TBKBP1: variants seen among roughly 807,000 people sequenced by gnomAD.
TBKBP1 encodes TANK-binding kinase 1-binding protein 1.
In TBKBP1, 47 loss-of-function variants were observed where a neutral mutation model predicts 69.9. That is an observed-to-expected ratio of 0.67 (90% confidence interval 0.53 to 0.86). The LOEUF is 0.86. Among genes scored for constraint, TBKBP1 ranks in the 40% least tolerant of loss-of-function variants. The pLI is 0.00. For missense variants in TBKBP1, 831 were observed against 858.6 expected, an observed-to-expected ratio of 0.97 and a Z score of 0.40; for synonymous variants, 418 against 390.3, an observed-to-expected ratio of 1.07 and a Z score of -0.84.
rs546645170 is a variant in TBKBP1, at chr17:47,709,915, G to T, written c.1719+463G>T. Among the ~76,000 whole-genome samples the T allele has an allele frequency of 5.9e-5, 9 of 152,346 alleles. No individual in the cohort carries two copies. In the South Asian group the frequency reaches 1.9e-3, roughly 32 times the overall value. On this transcript the variant is annotated intron_variant, in intron 9 of 9. Transcript: ENST00000578982. ...GGCTCAAGCACCTGCTATTATATTGGCTGTGGTGATGGTGGCTACTGACCA... is the reference window on the plus strand; with the variant it reads ...GGCTCAAGCACCTGCTATTATATTGTCTGTGGTGATGGTGGCTACTGACCA...
chr17:47,708,771 GT>G lies in TBKBP1; in HGVS notation c.1039del (p.Cys347AlafsTer106). The G allele has an allele frequency of 8.2e-5, 34 of 415,524 alleles. No homozygotes were observed. Among genetic ancestry groups the G allele is most frequent in the Non-Finnish European group, 1.1e-4 (29 of 268,458 alleles). 25.7% of individuals were successfully genotyped at this position (415,524 alleles called of 1,614,324 possible). On this transcript the variant is annotated frameshift_variant, in exon 9 of 10. Transcript: ENST00000578982. LOFTEE classifies it high-confidence loss of function. This position sits in a 1 kb window ranked among gnomAD's most constrained non-coding sequence, Gnocchi z 4.4. ...CACAACGCCACTCCCCGGCCCCCCA[GT>G]GCCCCTCCCCCTCCCCGCCTGCCCG... Reference protein sequence around the residue: ...LSQRHSPAPQCPSPSPPARAA... With the variant: ...LSQRHSPAPQXPSPSPPARAA...
chr17:47,694,595 A>C (rs900595836), intron 1 of TBKBP1: 2 of 152,180 alleles, frequency 1.3e-5, no homozygotes, highest in African/African-American at 4.8e-5. Context: ...CCCCTTCCCC[A>C]GCCGCCTTCC....
In TBKBP1 at chr17:47,701,999, G is replaced by C. The variant is rs116322132; in HGVS notation, c.872+2302G>C. The stretch of plus-strand genomic sequence containing the variant: ...GCCAGGCTCTGCTGCCCAGCCACAC[G>C]CTTCCTTTCAGGCCGAGCGAGCATC... On this transcript the variant is annotated intron_variant, in intron 7 of 9. Transcript: ENST00000578982. 7.2e-3 allele frequency among the ~76,000 whole-genome samples: 1,093 copies of C among 152,316 alleles called. 7 individuals are homozygous for C. The highest frequency in any genetic ancestry group is 0.025 in the African/African-American group (1,036 of 41,546).
In TBKBP1 at chr17:47,707,920, A is replaced by G. The variant is rs1300797314; in HGVS notation, c.873-474A>G. ...GGATCCCACTCCCAGTACACAGATT[A>G]TAACACTTTTAGTATGCATTGCTTG... is the stretch of plus-strand genomic sequence containing the variant. On this transcript the variant is annotated intron_variant, in intron 7 of 9. Transcript: ENST00000578982. 2.0e-5 allele frequency among the ~76,000 whole-genome samples: 3 copies of G among 152,374 alleles called. No homozygotes were observed. In the East Asian group the frequency reaches 5.8e-4, roughly 29 times the overall value.
chr17:47,704,237 G>T (rs1212443653), intron 7 of TBKBP1, among the ~76,000 whole-genome samples: 1 of 152,218 alleles, frequency 6.6e-6, no homozygotes, highest in Non-Finnish European at 1.5e-5. Flanking sequence ...TGGATTCGTG[G>T]CAGGGGCTGC....
At chr17:47,705,668 T>C (rs534737978) in intron 7 of TBKBP1, among the ~76,000 whole-genome samples, 2 of 152,294 alleles carry the variant, frequency 1.3e-5, no homozygotes, top group Non-Finnish European at 2.9e-5. Flanking sequence ...TGTTGTGAAG[T>C]TGAGATTTTT....
At chr17:47,697,492 C>T (rs1028660678) in intron 4 of TBKBP1, among the ~76,000 whole-genome samples, 1 of 152,028 alleles carries the variant, frequency 6.6e-6, no homozygotes, top group African/African-American at 2.4e-5. Flanking sequence ...GCTGGGGTGA[C>T]CCTGTGCCTG....
intron 7 of TBKBP1, 48 bp downstream of exon 7, chr17:47,699,745 T>C: frequency 6.2e-7 from 1 of 1,606,298 alleles, no homozygotes; most frequent in Non-Finnish European, 8.5e-7. Flanking sequence ...TTGGGAGACC[T>C]CCCCTCCCAG....
chr17:47,710,354 AGGACGGTGCTGAAGAAAGGGTGGCT>A lies in TBKBP1; in HGVS notation c.1720-139_1720-115del, dbSNP rs575524681. The A allele has an allele frequency of 8.3e-4, 882 of 1,067,888 alleles. 3 individuals carry two copies. In the African/African-American group the frequency reaches 0.01, roughly 12 times the overall value. The allele number at this position is 1,067,888 out of a possible 1,614,324, so 66.2% of individuals were successfully genotyped here. A position where few individuals can be genotyped will look rare whatever the true frequency, so the allele number is the denominator to read the frequency against. ...GGTGGACACTGAGCTGGTGTGGGGG[AGGACGGTGCTGAAGAAAGGGTGGCT>A]GGACCCCTCCTGCATGCCACAGCCC... On this transcript the variant is annotated intron_variant, in intron 9 of 9. Coordinates refer to ENST00000578982, the MANE Select transcript of TBKBP1 (RefSeq NM_001394755.1).
At position 47,708,955 on chromosome 17, in the gene TBKBP1, TC is replaced by T. The variant is rs1416200650; in HGVS notation, c.1227del (p.Ser410AlafsTer43). 6 of 1,210,940 alleles carry T rather than the reference TC, an allele frequency of 5.0e-6. No homozygotes were observed. Among genetic ancestry groups the T allele is most frequent in the Admixed American group, 4.5e-5 (1 of 22,346 alleles). The allele number at this position is 1,210,940 out of a possible 1,614,324, so 75.0% of individuals were successfully genotyped here. The stretch of plus-strand genomic sequence containing the variant: ...CTCGCCGGTGCCGCCGTCGTGCCAG[TC>T]CCCCAGCCCGCAGCGCCGTTCCCCG... The part of the protein sequence containing the change: ...RRSPVPPSCQ[S>X]PSPQRRSPVP... On this transcript the variant is annotated frameshift_variant, in exon 9 of 10. Transcript: ENST00000578982. LOFTEE classifies it high-confidence loss of function. The surrounding 1 kb of genome is among the most constrained non-coding windows in gnomAD (Gnocchi z 4.4).
Position 47,711,819 on chromosome 17 carries a change from C to G in TBKBP1, c.*1193C>G, listed in dbSNP as rs1271060602. 2.6e-5 allele frequency: 4 copies of G among 152,610 alleles called. No homozygotes were observed. Among genetic ancestry groups the G allele is most frequent in the Non-Finnish European group, 4.4e-5 (3 of 68,152 alleles). The allele number at this position is 152,610 out of a possible 1,614,324, so 9.5% of individuals were successfully genotyped here. Reference sequence around the variant, plus strand: ...GGTGGGGAGCAGTGGCCGCTACCGACAGCGCATGTCCCGCTCTTATCCAAC... The same window carrying G: ...GGTGGGGAGCAGTGGCCGCTACCGAGAGCGCATGTCCCGCTCTTATCCAAC... On this transcript the variant is annotated 3_prime_UTR_variant, in exon 10 of 10. Coordinates refer to ENST00000578982, the MANE Select transcript of TBKBP1 (RefSeq NM_001394755.1).
Position 47,709,323 on chromosome 17 carries a change from C to G in TBKBP1, c.1590C>G (p.Thr530=). 6.6e-7 allele frequency: 1 copy of G among 1,525,526 alleles called. No homozygotes were observed. The highest frequency in any genetic ancestry group is 1.4e-5 in the African/African-American group (1 of 71,460). The allele number at this position is 1,525,526 out of a possible 1,614,324, so 94.5% of individuals were successfully genotyped here. A position where few individuals can be genotyped will look rare whatever the true frequency, so the allele number is the denominator to read the frequency against. The change falls in exon 9 of 10, where the codon ACC becomes ACG. Residue 530 remains threonine, a synonymous_variant. Coordinates refer to ENST00000578982, the MANE Select transcript of TBKBP1 (RefSeq NM_001394755.1). ...PSEEDEWAVP[T]SPPSPEVGTI... The stretch of plus-strand genomic sequence containing the variant: ...AGGAGGACGAGTGGGCTGTGCCCAC[C>G]AGCCCGCCCAGCCCGGAGGTGGGCA...
chr17:47,695,740 G>A lies in TBKBP1; in HGVS notation c.-34-339G>A, dbSNP rs368223006. 7.5e-5 allele frequency: 15 copies of A among 199,282 alleles called. No individual in the cohort carries two copies. The East Asian group carries it at 1.8e-3, about 23-fold the overall frequency. 12.3% of individuals were successfully genotyped at this position (199,282 alleles called of 1,614,324 possible). A position where few individuals can be genotyped will look rare whatever the true frequency, so the allele number is the denominator to read the frequency against. ...CTGGGGTGGAGAAGCGCGGAGGAAT[G>A]GGCCGGGCCCGGCTGGGAAGGCAGC... On this transcript the variant is annotated intron_variant, in intron 1 of 9. Coordinates refer to ENST00000578982, the MANE Select transcript of TBKBP1 (RefSeq NM_001394755.1).
chr17:47,706,873 A>ACACG (rs1555623222), intron 7 of TBKBP1, among the ~76,000 whole-genome samples: 3 of 147,636 alleles, frequency 2.0e-5, no homozygotes, highest in Non-Finnish European at 4.5e-5. Flanking sequence ...ACACACACGC[A>ACACG]CACACCCCTA....
In TBKBP1 at chr17:47,699,244, T is replaced by A. The variant is rs2031385868; in HGVS notation, c.635-76T>A. The stretch of plus-strand genomic sequence containing the variant: ...TCTCTCTTGGAGTCCCCATGCTGCA[T>A]CCTCCTGTTTCACTCTGGCTCTGGG... On this transcript the variant is annotated intron_variant, in intron 5 of 9. Transcript: ENST00000578982. 4 of 1,398,878 alleles carry A rather than the reference T, an allele frequency of 2.9e-6. No individual in the cohort carries two copies. The South Asian group carries it at 6.7e-5, about 23-fold the overall frequency. 86.7% of individuals were successfully genotyped at this position (1,398,878 alleles called of 1,614,324 possible). A position where few individuals can be genotyped will look rare whatever the true frequency, so the allele number is the denominator to read the frequency against.
rs548099665 is a variant in TBKBP1, at chr17:47,695,819, C to T, written c.-34-260C>T. 8.9e-4 allele frequency: 297 copies of T among 335,296 alleles called. 3 individuals are homozygous for T. The highest frequency in any genetic ancestry group is 5.4e-3 in the African/African-American group (261 of 48,186). The allele number at this position is 335,296 out of a possible 1,614,324, so 20.8% of individuals were successfully genotyped here. On this transcript the variant is annotated intron_variant, in intron 1 of 9. Transcript: ENST00000578982. ...TCTGGCAGGAGCCTGCCCCTGCTGC[C>T]GGCCTGGCTTACTTGTCCCTACTTG...
In TBKBP1 at chr17:47,708,394, G is replaced by A. The variant is rs1597968407; in HGVS notation, c.873G>A (p.Gln291=). The stretch of plus-strand genomic sequence containing the variant: ...CTTTCCCACTGCCCTCTGACTTCAG[G>A]GTGAATTTGGCGCTGGCCTACACCG... ...MAWVKRVGDD[Q]VNLALAYTEL... Residue 291 remains glutamine, a splice_region_variant and synonymous_variant, in exon 8 of 10, where the codon CAG becomes CAA. Coordinates refer to ENST00000578982, the MANE Select transcript of TBKBP1 (RefSeq NM_001394755.1). The surrounding 1 kb of genome is among the most constrained non-coding windows in gnomAD (Gnocchi z 4.4). 5 of 1,613,856 alleles carry A rather than the reference G, an allele frequency of 3.1e-6. No individual in the cohort carries two copies. In the East Asian group the frequency reaches 6.7e-5, roughly 22 times the overall value.
At position 47,712,011 on chromosome 17, in the gene TBKBP1, C is replaced by T. The variant is rs544026464; in HGVS notation, c.*1385C>T. 7.9e-5 allele frequency: 12 copies of T among 152,636 alleles called. No individual in the cohort carries two copies. The highest frequency in any genetic ancestry group is 2.6e-4 in the African/African-American group (11 of 41,544). 9.5% of individuals were successfully genotyped at this position (152,636 alleles called of 1,614,324 possible). ...GAGGGGAGGCAGGGGCCCCTGTGCTCTCTGAACAAGTTGAAAGTCCAAATA... is the reference window on the plus strand; with the variant it reads ...GAGGGGAGGCAGGGGCCCCTGTGCTTTCTGAACAAGTTGAAAGTCCAAATA... On this transcript the variant is annotated 3_prime_UTR_variant, in exon 10 of 10. Transcript: ENST00000578982.
chr17:47,705,166 C>T (rs2031654567), intron 7 of TBKBP1, among the ~76,000 whole-genome samples: 2 of 152,200 alleles, frequency 1.3e-5, no homozygotes, highest in South Asian at 4.1e-4. Context: ...TGCTGCCTTG[C>T]CTTTCCTCTC....
Sources: gnomAD v4.1 joint callset for allele counts (sites outside exome capture counted in the v4.1 genomes callset) on GRCh38, gnomAD v4.1.1 for gene constraint, Gnocchi (gnomAD v3.1) non-coding constraint, MANE v1.5 for transcripts, NCBI Gene and HGNC (gene_info 2026-07-23, HGNC 2026-07-21) for gene names.